INTU: variants seen among roughly 807,000 people sequenced by gnomAD.
INTU encodes the protein protein inturned.
In INTU, 68 loss-of-function variants were observed where a neutral mutation model predicts 100.5. That is an observed-to-expected ratio of 0.68 (90% CI 0.56 to 0.83). INTU has a LOEUF of 0.83. Among genes scored for constraint, INTU ranks in the 40% least tolerant of loss-of-function variants. The pLI is 0.00. For missense variants in INTU, 1,071 were observed against 1,114.7 expected (o/e 0.96, Z 0.56); for synonymous variants, 357 against 395.7 (o/e 0.90, Z 1.16).
intron 6 of INTU, among the ~76,000 whole-genome samples, chr4:127,678,151 A>G (rs1306893698): frequency 6.6e-6 from 1 of 152,212 alleles, no homozygotes; most frequent in Non-Finnish European, 1.5e-5. Flanking sequence ...TGATGGGGAG[A>G]ATGGAACCAA....
intron 6 of INTU, among the ~76,000 whole-genome samples, chr4:127,682,674 A>C (rs1374842838): frequency 1.3e-5 from 2 of 151,782 alleles, no homozygotes; most frequent in Non-Finnish European, 2.9e-5. Context: ...GCAGCACACC[A>C]GCATGGCACA....
chr4:127,649,757 A>G (rs1005143434), intron 2 of INTU, among the ~76,000 whole-genome samples: 20 of 152,172 alleles, frequency 1.3e-4, no homozygotes, highest in African/African-American at 4.6e-4. Context: ...TCTTTGTTCA[A>G]TTCTTTGTCT....
chr4:127,648,398 T>G (rs1727686574), intron 2 of INTU, among the ~76,000 whole-genome samples: 1 of 152,184 alleles, frequency 6.6e-6, no homozygotes, highest in Non-Finnish European at 1.5e-5. Flanking sequence ...CATTTAAAAA[T>G]ATTGGGTATA....
rs553531275 is a variant in INTU at position 127,673,549 on chromosome 4, A to C, written c.1092-575A>C. 9.9e-5 allele frequency among the ~76,000 whole-genome samples: 15 copies of C among 150,876 alleles called. No homozygotes were observed. The South Asian group carries it at 3.1e-3, about 32-fold the overall frequency. On this transcript the variant is annotated intron_variant, in intron 5 of 15. Coordinates refer to ENST00000335251, the MANE Select transcript of INTU (RefSeq NM_015693.4). ...ACTTAATGTTAGCAAGAGAATTTCA[A>C]CTTTTTTTTTTTTTCTATAATAGGT...
At chr4:127,669,792 C>G (rs1254718203) in intron 5 of INTU, among the ~76,000 whole-genome samples, 1 of 151,756 alleles carries the variant, frequency 6.6e-6, no homozygotes, top group African/African-American at 2.4e-5. Flanking sequence ...CCCATTTGTC[C>G]CTTTAATCTA....
rs1017422663 is a variant in INTU, at chr4:127,720,516, G to A, written c.*4080G>A. On this transcript the variant is annotated 3_prime_UTR_variant, in exon 16 of 16. Transcript: ENST00000335251. ...CAGGTCCCACTTGATCCAGAGCTGA[G>A]GTCAAGTCCTGAATAACTTTGTTAA... is the stretch of plus-strand genomic sequence containing the variant. The A allele has an allele frequency of 6.6e-6, 1 of 152,104 alleles. No homozygotes were observed. Among genetic ancestry groups the A allele is most frequent in the African/African-American group, 2.4e-5 (1 of 41,394 alleles). 9.4% of individuals were successfully genotyped at this position (152,104 alleles called of 1,614,324 possible).
intron 2 of INTU, among the ~76,000 whole-genome samples, chr4:127,656,050 C>T (rs1388319221): frequency 2.6e-5 from 4 of 152,234 alleles, no homozygotes; most frequent in Admixed American, 2.6e-4. Flanking sequence ...TTGCGCTTCC[C>T]AAGTGAGGCA....
At chr4:127,712,895 A>G (rs928771126) in intron 14 of INTU, among the ~76,000 whole-genome samples, 2 of 152,206 alleles carry the variant, frequency 1.3e-5, no homozygotes, top group Non-Finnish European at 2.9e-5. Flanking sequence ...CAAGGGATCT[A>G]GGTTGCCCAC....
chr4:127,682,741 T>C (rs1386330072), intron 6 of INTU, among the ~76,000 whole-genome samples: 1 of 151,148 alleles, frequency 6.6e-6, no homozygotes, highest in Non-Finnish European at 1.5e-5. Flanking sequence ...AACTTAAAAG[T>C]ATAATAATAA....
Position 127,706,478 on chromosome 4 carries a change from T to C in INTU, c.1789-9T>C. ...GCTAAACCTACATTTGTAATTTTTT[T>C]CCCTATAGAAACATTATATGCTATG... On this transcript the variant is annotated splice_polypyrimidine_tract_variant and intron_variant, in intron 11 of 15. Coordinates refer to ENST00000335251, the MANE Select transcript of INTU (RefSeq NM_015693.4). The C allele has an allele frequency of 6.3e-7, 1 of 1,583,008 alleles. No homozygotes were observed. Among genetic ancestry groups the C allele is most frequent in the Non-Finnish European group, 8.6e-7 (1 of 1,164,346 alleles).
chr4:127,705,825 C>T lies in INTU; in HGVS notation c.1788+13C>T. On this transcript the variant is annotated intron_variant, in intron 11 of 15. Coordinates refer to ENST00000335251, the MANE Select transcript of INTU (RefSeq NM_015693.4). Reference sequence around the variant, plus strand: ...AGTTGTTGGCTTGGTAAGTTTACCTCAGCTTCTTTCTTAGGATTTTTCTTC... The same window carrying T: ...AGTTGTTGGCTTGGTAAGTTTACCTTAGCTTCTTTCTTAGGATTTTTCTTC... The T allele has an allele frequency of 6.3e-7, 1 of 1,592,770 alleles. No homozygotes were observed. The highest frequency in any genetic ancestry group is 1.1e-5 in the South Asian group (1 of 89,434).
In INTU at chr4:127,706,926, C is replaced by A. The variant is rs760182448; in HGVS notation, c.2228C>A (p.Ser743Tyr). 2 of 1,613,982 alleles carry A rather than the reference C, an allele frequency of 1.2e-6. No individual in the cohort carries two copies. The highest frequency in any genetic ancestry group is 2.2e-5 in the South Asian group (2 of 91,068). Residue 743 changes from serine (S) to tyrosine (Y), a missense_variant, in exon 12 of 16, where the codon TCT becomes TAT. By Grantham distance (144) the Ser-to-Tyr change is moderately radical. Transcript: ENST00000335251. ...TPDAVRKQRE[S>Y]QGSDGLEESG... ...GATGCAGTACGGAAGCAAAGAGAAT[C>A]TCAGGGCTCTGATGGTTTAGAAGAA... is the stretch of plus-strand genomic sequence containing the variant.
intron 2 of INTU, among the ~76,000 whole-genome samples, chr4:127,648,312 G>C (rs1262416721): frequency 1.3e-5 from 2 of 152,156 alleles, no homozygotes; most frequent in Admixed American, 6.6e-5. Flanking sequence ...AGAAACACTA[G>C]AGGAAAACAA....
intron 15 of INTU, among the ~76,000 whole-genome samples, chr4:127,715,323 GAGTAGGGGTAGTGGACACATACCATGT>G (rs1280948328): frequency 6.6e-6 from 1 of 152,158 alleles, no homozygotes; most frequent in Admixed American, 6.6e-5. Flanking sequence ...AATTAGTTGG[GAGTAGGGGTAGTGGACACATACCATGT>G]AGTATTAAGC....
At chr4:127,648,184 A>G (rs1727675073) in intron 2 of INTU, among the ~76,000 whole-genome samples, 1 of 152,190 alleles carries the variant, frequency 6.6e-6, no homozygotes, top group Admixed American at 6.6e-5. Context: ...GGGACAGATC[A>G]TATTAATGAC....
At chr4:127,706,402 C>T (rs1200478066) in intron 11 of INTU, 85 bp from the exon 12 acceptor site, 15 of 1,163,474 alleles carry the variant, frequency 1.3e-5, no homozygotes, top group Admixed American at 5.1e-5. Context: ...TCTATGTCTT[C>T]GATATTTATA....
Position 127,655,577 on chromosome 4 carries a change from C to T in INTU, c.683-1059C>T, listed in dbSNP as rs1268474923. Reference sequence around the variant, plus strand: ...GACCCACTTGAGGAGGCAGTCTGCCCATTCTCAGATCTCCAGCTGCGTGCT... The same window carrying T: ...GACCCACTTGAGGAGGCAGTCTGCCTATTCTCAGATCTCCAGCTGCGTGCT... On this transcript the variant is annotated intron_variant, in intron 2 of 15. Coordinates refer to ENST00000335251, the MANE Select transcript of INTU (RefSeq NM_015693.4). Among the ~76,000 whole-genome samples, 1,135 of 151,230 alleles carry T rather than the reference C, an allele frequency of 7.5e-3. 15 individuals carry two copies. Among genetic ancestry groups the T allele is most frequent in the African/African-American group, 0.027 (1,087 of 40,698 alleles).
intron 3 of INTU, among the ~76,000 whole-genome samples, chr4:127,658,918 T>C (rs1387791395): frequency 2.0e-5 from 3 of 152,182 alleles, no homozygotes; most frequent in East Asian, 3.9e-4. Context: ...AGCCCTGAGC[T>C]TGTATTCCTG....
At chr4:127,666,032 A>T (rs1471564476) in intron 4 of INTU, among the ~76,000 whole-genome samples, 1 of 152,164 alleles carries the variant, frequency 6.6e-6, no homozygotes, top group Admixed American at 6.6e-5. Flanking sequence ...TCAGTCTATC[A>T]TTCCTTTGTA....
Sources: gnomAD v4.1 joint callset for allele counts (sites outside exome capture counted in the v4.1 genomes callset) on GRCh38, gnomAD v4.1.1 for gene constraint, MANE v1.5 for transcripts, NCBI Gene and HGNC (gene_info 2026-07-23, HGNC 2026-07-21) for gene names.